The following DIP2C variants were observed in gnomAD, a reference collection of about 807,000 sequenced individuals.
The protein encoded by DIP2C is disco-interacting protein 2 homolog C.
Under a neutral mutation model 192.4 loss-of-function variants are expected in DIP2C, and 33 were observed. That is an observed-to-expected ratio of 0.17 (90% confidence interval 0.13 to 0.23). The LOEUF (loss-of-function observed/expected upper bound fraction) is 0.23, where lower values mean the gene tolerates loss of function less well. Among genes scored for constraint, DIP2C ranks in the 10% least tolerant of loss-of-function variants. DIP2C has a pLI of 1.00. For missense variants in DIP2C, 1,537 were observed against 2,110.1 expected (o/e 0.73, Z 5.32); for synonymous variants, 979 against 864.1 (o/e 1.13, Z -2.33).
intron 1 of DIP2C, among the ~76,000 whole-genome samples, chr10:602,259 C>T (rs954331518): frequency 1.3e-5 from 2 of 152,156 alleles, no homozygotes; most frequent in Admixed American, 6.5e-5. Flanking sequence ...AGAGGGTCTC[C>T]GCTTCTTGCA....
At chr10:574,340 G>A (rs796165989) in intron 1 of DIP2C, among the ~76,000 whole-genome samples, 4 of 152,182 alleles carry the variant, frequency 2.6e-5, no homozygotes, top group African/African-American at 4.8e-5. Context: ...GAAACTGCAC[G>A]GTTAGAATAA....
At chr10:525,563 G>A (rs1028398888) in intron 1 of DIP2C, among the ~76,000 whole-genome samples, 1 of 152,220 alleles carries the variant, frequency 6.6e-6, no homozygotes, top group South Asian at 2.1e-4. Flanking sequence ...AGAAGATTCT[G>A]AATATGATCT....
intron 1 of DIP2C, among the ~76,000 whole-genome samples, chr10:686,583 C>T (rs10795296): frequency 0.84 from 128,170 of 152,276 alleles, 56,283 homozygotes; most frequent in Non-Finnish European, 0.96. Context: ...TGAATGTATC[C>T]CCACATGGAT....
intron 1 of DIP2C, among the ~76,000 whole-genome samples, chr10:535,317 G>A (rs1247638043): frequency 6.6e-6 from 1 of 151,822 alleles, no homozygotes; most frequent in Non-Finnish European, 1.5e-5. Context: ...GGCGAGAGGG[G>A]CGCTGTGGAA....
chr10:413,887 G>A (rs1335923580), intron 8 of DIP2C, 26 bp downstream of exon 8: 6 of 1,606,396 alleles, frequency 3.7e-6, no homozygotes, highest in Non-Finnish European at 5.1e-6. Context: ...GGTGGGCAAA[G>A]GGCAGAGAGT....
At chr10:671,393 G>A (rs886721586) in intron 1 of DIP2C, among the ~76,000 whole-genome samples, 33 of 139,134 alleles carry the variant, frequency 2.4e-4, no homozygotes, top group African/African-American at 8.3e-4. Context: ...ACGCACGGAC[G>A]GAGGAAACGT....
intron 1 of DIP2C, among the ~76,000 whole-genome samples, chr10:642,550 A>G (rs1475184415): frequency 6.6e-6 from 1 of 152,280 alleles, no homozygotes; most frequent in Non-Finnish European, 1.5e-5. Context: ...CACATTGGCC[A>G]ACACAACTAG....
intron 1 of DIP2C, among the ~76,000 whole-genome samples, chr10:527,056 C>CA (rs1299110056): frequency 6.6e-6 from 1 of 152,214 alleles, no homozygotes; most frequent in Non-Finnish European, 1.5e-5. Context: ...AGCCACCACA[C>CA]ATTCAGTGAG....
chr10:329,736 G>T, intron 29 of DIP2C, 135 bp from the exon 30 acceptor site: 1 of 1,123,630 alleles, frequency 8.9e-7, no homozygotes, highest in South Asian at 1.7e-5. Flanking sequence ...CTGTAGAAGG[G>T]CACAGTAAAG....
In DIP2C at chr10:652,252, T is replaced by G. The variant is rs1348293864; in HGVS notation, c.85+37242A>C. 1 of 189,046 alleles carries G rather than the reference T, an allele frequency of 5.3e-6. No individual in the cohort carries two copies. The highest frequency in any genetic ancestry group is 2.4e-5 in the African/African-American group (1 of 41,734). The allele number at this position is 189,046 out of a possible 1,614,324, so 11.7% of individuals were successfully genotyped here. A position where few individuals can be genotyped will look rare whatever the true frequency, so the allele number is the denominator to read the frequency against. ...CCCCTGCGGGAAAGACCACGCTGGC[T>G]GCTGACCAAACTCCACTGGCATCTT... On this transcript the variant is annotated intron_variant, in intron 1 of 36. Coordinates refer to ENST00000280886, the MANE Select transcript of DIP2C (RefSeq NM_014974.3). The surrounding 1 kb of genome is among the most constrained non-coding windows in gnomAD (Gnocchi z 4.5).
intron 1 of DIP2C, among the ~76,000 whole-genome samples, chr10:551,097 G>A (rs1007555210): frequency 3.3e-5 from 5 of 151,944 alleles, no homozygotes; most frequent in East Asian, 1.9e-4. Context: ...CCCGGGCCTC[G>A]GTCCTCCCTC....
chr10:619,342 G>A (rs993304499), intron 1 of DIP2C, among the ~76,000 whole-genome samples: 4 of 152,158 alleles, frequency 2.6e-5, no homozygotes, highest in Admixed American at 6.5e-5. Flanking sequence ...AGCTAACGTC[G>A]AGATGTCAGC....
intron 1 of DIP2C, among the ~76,000 whole-genome samples, chr10:504,087 C>T (rs1379302261): frequency 6.6e-6 from 1 of 152,214 alleles, no homozygotes; most frequent in Non-Finnish European, 1.5e-5. Flanking sequence ...CTTCATCTCA[C>T]GACACACACA....
At chr10:351,036 G>A (rs1022486795) in intron 24 of DIP2C, among the ~76,000 whole-genome samples, 22 of 152,076 alleles carry the variant, frequency 1.4e-4, no homozygotes, top group African/African-American at 5.1e-4. Context: ...TGTCGGGACC[G>A]GACGCTGTGA....
chr10:278,129 ACTC>A (rs771737817), intron 36 of DIP2C, among the ~76,000 whole-genome samples: 1 of 120,790 alleles, frequency 8.3e-6, no homozygotes, highest in East Asian at 2.4e-4. Context: ...ATGGGTGCCT[ACTC>A]CTGTCTGTGC....
chr10:390,982 C>CA (rs1963413959), intron 10 of DIP2C, 119 bp from the exon 11 acceptor site: 4 of 1,430,688 alleles, frequency 2.8e-6, no homozygotes, highest in African/African-American at 2.8e-5. Context: ...ATCCAACCCC[C>CA]AGCCCTGCTG....
At chr10:449,920 C>CAAAAAAAAAAAAAA (rs59135780) in intron 3 of DIP2C, among the ~76,000 whole-genome samples, 1 of 135,912 alleles carries the variant, frequency 7.4e-6, no homozygotes. Context: ...TCAACAACAA[C>CAAAAAAAAAAAAAA]AAAAAAAAAA....
chr10:414,739 G>GTGTGTGTGTGTATATATATATATATATA, intron 7 of DIP2C, among the ~76,000 whole-genome samples: 1 of 90,508 alleles, frequency 1.1e-5, no homozygotes, highest in Non-Finnish European at 2.1e-5. Flanking sequence ...GTGTGTGTGT[G>GTGTGTGTGTGTATATATATATATATATA]TACATATATA....
chr10:599,899 T>C (rs536440026), intron 1 of DIP2C, among the ~76,000 whole-genome samples: 1 of 152,086 alleles, frequency 6.6e-6, no homozygotes, highest in Non-Finnish European at 1.5e-5. Flanking sequence ...CTGCTCAGTG[T>C]GGGACAGGGG....
Sources: allele counts gnomAD v4.1 joint callset (sites outside exome capture counted in the v4.1 genomes callset), GRCh38; gene constraint gnomAD v4.1.1; non-coding constraint Gnocchi (gnomAD v3.1); transcripts MANE v1.5; gene names NCBI Gene and HGNC (gene_info 2026-07-23, HGNC 2026-07-21).